Variants in CHD6 observed in about 807,000 individuals in gnomAD.
CHD6 encodes ATP-dependent chromatin remodeler CHD6.
In CHD6, 50 loss-of-function variants were observed where a neutral mutation model predicts 276.9. The ratio of observed to expected loss-of-function variants is 0.18; its 90% CI spans 0.14 to 0.23. CHD6 has a LOEUF of 0.23. Among genes scored for constraint, CHD6 ranks in the 10% least tolerant of loss-of-function variants. The pLI is 1.00. For synonymous variants in CHD6, 1,173 were observed against 1,229.3 expected, an observed-to-expected ratio of 0.95 and a Z score of 0.96; for missense variants, 2,564 against 3,365.8, an observed-to-expected ratio of 0.76 and a Z score of 5.89.
intron 1 of CHD6, among the ~76,000 whole-genome samples, chr20:41,607,900 C>G (rs2045846780): frequency 6.6e-6 from 1 of 152,168 alleles, no homozygotes; most frequent in African/African-American, 2.4e-5. Context: ...CACATCACTT[C>G]CACTGAAATG....
intron 1 of CHD6, among the ~76,000 whole-genome samples, chr20:41,576,944 A>G (rs2045480398): frequency 6.6e-6 from 1 of 152,250 alleles, no homozygotes; most frequent in Middle Eastern, 3.2e-3. Context: ...AAGGTGGTTA[A>G]CTTTTTTGTG....
rs1177907010 is a variant in CHD6, at chr20:41,455,902, ATCT to A, written c.2904_2906del (p.Glu968del). 2 of 1,612,556 alleles carry A rather than the reference ATCT, an allele frequency of 1.2e-6. No homozygotes were observed. The highest frequency in any genetic ancestry group is 2.2e-5 in the East Asian group (1 of 44,824). On this transcript the variant is annotated inframe_deletion, in exon 19 of 37. Transcript: ENST00000373233. The stretch of plus-strand genomic sequence containing the variant: ...CTTCTTCACAGAACTTGGAGCCTTC[ATCT>A]TCTTCATCCATTAAGGCTCCATAAG...
At chr20:41,457,941 T>C (rs986769612) in intron 17 of CHD6, among the ~76,000 whole-genome samples, 1 of 152,222 alleles carries the variant, frequency 6.6e-6, no homozygotes, top group Non-Finnish European at 1.5e-5. Flanking sequence ...CTAAGCATCA[T>C]ACTGTTTCAT....
rs536508974 is a variant in CHD6, at chr20:41,403,335, A to G, written c.*1258T>C. 35 of 1,063,216 alleles carry G rather than the reference A, an allele frequency of 3.3e-5. No individual in the cohort carries two copies. The highest frequency in any genetic ancestry group is 5.4e-5 in the Admixed American group (1 of 18,634). 65.9% of individuals were successfully genotyped at this position (1,063,216 alleles called of 1,614,324 possible). ...ACTACCTGTGAAGAGTGAGACCATC[A>G]GAAGGGACGTTAACATGAAGGTGAA... On this transcript the variant is annotated 3_prime_UTR_variant, in exon 37 of 37. Transcript: ENST00000373233.
chr20:41,501,700 T>A (rs1398906616), intron 5 of CHD6, among the ~76,000 whole-genome samples: 1 of 152,200 alleles, frequency 6.6e-6, no homozygotes, highest in Non-Finnish European at 1.5e-5. Flanking sequence ...TAGGTAGATG[T>A]CTAATTTTAA....
In CHD6 at chr20:41,468,056, G is replaced by T. The variant is rs137942035; in HGVS notation, c.2664+5266C>A. Among the ~76,000 whole-genome samples the T allele has an allele frequency of 5.6e-3, 849 of 150,604 alleles. 8 individuals carry two copies. The highest frequency in any genetic ancestry group is 0.024 in the Middle Eastern group (7 of 286). On this transcript the variant is annotated intron_variant, in intron 17 of 36. Coordinates refer to ENST00000373233, the MANE Select transcript of CHD6 (RefSeq NM_032221.5). The stretch of plus-strand genomic sequence containing the variant: ...TCTGCTCAAATGTCATCTTCTTAAA[G>T]AAGTCTTCCTAGACCACTCTTTCTA...
chr20:41,423,737 CTTCT>C, intron 29 of CHD6, 37 bp from the exon 30 acceptor site: 1 of 1,567,560 alleles, frequency 6.4e-7, no homozygotes, highest in Non-Finnish European at 8.8e-7. Context: ...TGAGCTCTTT[CTTCT>C]TTTTTTAAAG....
At chr20:41,455,697 G>A in intron 19 of CHD6, 103 bp downstream of exon 19, 1 of 745,846 alleles carries the variant, frequency 1.3e-6, no homozygotes, top group South Asian at 2.7e-5. Flanking sequence ...CCAATTTCTA[G>A]GATTTGCATT....
chr20:41,557,630 C>T (rs534570998), intron 1 of CHD6, among the ~76,000 whole-genome samples: 7 of 152,280 alleles, frequency 4.6e-5, no homozygotes, highest in African/African-American at 7.2e-5. Context: ...GTCCAAGGGT[C>T]GACTGCATTA....
Position 41,403,868 on chromosome 20 carries a change from A to G in CHD6, c.*725T>C. 9.5e-7 allele frequency: 1 copy of G among 1,056,976 alleles called. No homozygotes were observed. The highest frequency in any genetic ancestry group is 1.1e-6 in the Non-Finnish European group (1 of 874,034). The allele number at this position is 1,056,976 out of a possible 1,614,324, so 65.5% of individuals were successfully genotyped here. ...CGACAGCAATAACTCATGGTGGGTAAAGCTTTCTCGCAGCAAGAGGAATCT... is the reference window on the plus strand; with the variant it reads ...CGACAGCAATAACTCATGGTGGGTAGAGCTTTCTCGCAGCAAGAGGAATCT... On this transcript the variant is annotated 3_prime_UTR_variant, in exon 37 of 37. Transcript: ENST00000373233.
intron 25 of CHD6, among the ~76,000 whole-genome samples, chr20:41,443,769 T>C (rs2047973302): frequency 6.6e-6 from 1 of 152,220 alleles, no homozygotes; most frequent in Admixed American, 6.5e-5. Context: ...CAAAGTCATG[T>C]TTTCCATTTC....
chr20:41,600,522 G>A (rs1568727397), intron 1 of CHD6, among the ~76,000 whole-genome samples: 1 of 152,006 alleles, frequency 6.6e-6, no homozygotes, highest in Non-Finnish European at 1.5e-5. Context: ...CAGTTACACA[G>A]GTATATACAT....
At chr20:41,510,251 G>A (rs749996004) in intron 5 of CHD6, among the ~76,000 whole-genome samples, 7 of 152,196 alleles carry the variant, frequency 4.6e-5, no homozygotes, top group Non-Finnish European at 7.4e-5. Flanking sequence ...CAGGCTTTTC[G>A]TTAGCGTGGG....
At chr20:41,530,255 G>A (rs558858583) in intron 3 of CHD6, among the ~76,000 whole-genome samples, 4 of 152,236 alleles carry the variant, frequency 2.6e-5, no homozygotes, top group East Asian at 3.9e-4. Flanking sequence ...GAGAAAAGGC[G>A]ATCTGATTTA....
At position 41,527,234 on chromosome 20, in the gene CHD6, C is replaced by G. The variant is rs1025412745; in HGVS notation, c.554+5816G>C. Among the ~76,000 whole-genome samples, 6 of 152,182 alleles carry G rather than the reference C, an allele frequency of 3.9e-5. No homozygotes were observed. The South Asian group carries it at 1.2e-3, about 32-fold the overall frequency. On this transcript the variant is annotated intron_variant, in intron 3 of 36. Transcript: ENST00000373233. ...AGCAAATCACTTGAGGACAGGAGTT[C>G]AAGACCAGCCCGGCCAACATAGCAA...
rs2047736114 is a variant in CHD6 at position 41,437,165 on chromosome 20, A to C, written c.4068+109T>G. 5.2e-6 allele frequency: 4 copies of C among 766,928 alleles called. No individual in the cohort carries two copies. In the Admixed American group the frequency reaches 7.2e-5, roughly 14 times the overall value. The allele number at this position is 766,928 out of a possible 1,614,324, so 47.5% of individuals were successfully genotyped here. ...ATAATAAAATGTTGGGCAAAATGCA[A>C]TGTAACTGTAGTAATGCAATCAAGT... On this transcript the variant is annotated intron_variant, in intron 27 of 36. Transcript: ENST00000373233.
At chr20:41,412,726 A>T (rs1435494879) in intron 35 of CHD6, among the ~76,000 whole-genome samples, 1 of 152,178 alleles carries the variant, frequency 6.6e-6, no homozygotes, top group Non-Finnish European at 1.5e-5. Flanking sequence ...GGTGGGGTAG[A>T]TGAGCAAGTG....
intron 1 of CHD6, among the ~76,000 whole-genome samples, chr20:41,611,629 CT>C (rs199776527): frequency 3.3e-4 from 49 of 146,584 alleles, no homozygotes; most frequent in Non-Finnish European, 2.7e-4. Context: ...ACTTGCATTT[CT>C]TTTTTTTTTT....
Position 41,404,975 on chromosome 20 carries a change from C to G in CHD6, c.7766G>C (p.Gly2589Ala), listed in dbSNP as rs956797008. Residue 2589 changes from glycine (G) to alanine (A), a missense_variant, in exon 37 of 37, where the codon GGT (glycine) becomes GCT (alanine). Coordinates refer to ENST00000373233, the MANE Select transcript of CHD6 (RefSeq NM_032221.5). ...AGACTGATCAGAAAATGGACCTGGA[C>G]CAGGCTTGTCCTCAGCTAAAGTGTC... ...KTDTLAEDKP[G>A]PGPFSDQSEP... is the part of the protein sequence containing the mutation. 1.2e-6 allele frequency: 2 copies of G among 1,614,244 alleles called. No homozygotes were observed. The highest frequency in any genetic ancestry group is 1.7e-6 in the Non-Finnish European group (2 of 1,180,054).
Sources: gnomAD v4.1 joint callset for allele counts (sites outside exome capture counted in the v4.1 genomes callset) on GRCh38, gnomAD v4.1.1 for gene constraint, MANE v1.5 for transcripts, NCBI Gene and HGNC (gene_info 2026-07-23, HGNC 2026-07-21) for gene names.